Variants in FHIT observed in about 807,000 individuals in gnomAD.
The protein encoded by FHIT is bis(5'-adenosyl)-triphosphatase.
FHIT carries 19 observed loss-of-function variants against 17.9 expected under a neutral mutation model. That is an observed-to-expected ratio of 1.06 (90% CI 0.74 to 1.56). The LOEUF is 1.56. Among genes scored for constraint, FHIT ranks in the 40% most tolerant of loss-of-function variants. The pLI, the probability that FHIT is intolerant of heterozygous loss-of-function variation, is 0.00. For synonymous variants in FHIT, 81 were observed against 69.7 expected (o/e 1.16, Z -0.81); for missense variants, 248 against 189.2 (o/e 1.31, Z -1.82).
intron 7 of FHIT, among the ~76,000 whole-genome samples, chr3:59,981,951 G>A (rs114350025): frequency 0.011 from 1,463 of 129,830 alleles, 24 homozygotes; most frequent in African/African-American, 0.038. Flanking sequence ...TTTGCTGCCA[G>A]GGTCAGCAAA....
chr3:61,131,233 A>ATTT (rs2036754789), intron 2 of FHIT, among the ~76,000 whole-genome samples: 2 of 152,214 alleles, frequency 1.3e-5, no homozygotes, highest in Admixed American at 1.3e-4. Flanking sequence ...GCACAGAGTG[A>ATTT]GTACTCAGTA....
intron 3 of FHIT, among the ~76,000 whole-genome samples, chr3:60,883,829 A>C (rs1240295970): frequency 6.6e-6 from 1 of 152,164 alleles, no homozygotes. Flanking sequence ...AAGACCTCAA[A>C]TATAAAGGCA....
At chr3:60,041,754 T>A (rs1298920206) in intron 5 of FHIT, among the ~76,000 whole-genome samples, 2 of 152,224 alleles carry the variant, frequency 1.3e-5, no homozygotes. Flanking sequence ...CATACCTTCA[T>A]ACATGAAATT....
intron 8 of FHIT, among the ~76,000 whole-genome samples, chr3:59,803,088 T>A (rs1700063123): frequency 6.6e-6 from 1 of 152,176 alleles, no homozygotes; most frequent in South Asian, 2.1e-4. Context: ...TGAATGTTGG[T>A]TGACTGATCA....
rs529486553 is a variant in FHIT at position 60,678,374 on chromosome 3, T to G, written c.-17-141395A>C. ...CTTTTTTCTGCTTAAATACAATTCT[T>G]TTTTCATTTAGCAACTGCATGTTAT... On this transcript the variant is annotated intron_variant, in intron 4 of 9. Transcript: ENST00000492590. Among the ~76,000 whole-genome samples the G allele has an allele frequency of 2.6e-5, 4 of 152,312 alleles. No homozygotes were observed. The South Asian group carries it at 8.3e-4, about 32-fold the overall frequency.
chr3:60,537,197 A>G (rs918478265), intron 4 of FHIT, among the ~76,000 whole-genome samples: 1 of 151,876 alleles, frequency 6.6e-6, no homozygotes, highest in Non-Finnish European at 1.5e-5. Flanking sequence ...AGAGTTAGCA[A>G]TTTTCAAGCA....
chr3:60,842,670 G>C (rs1442024319), intron 3 of FHIT, among the ~76,000 whole-genome samples: 1 of 72,948 alleles, frequency 1.4e-5, no homozygotes, highest in African/African-American at 6.1e-5. Flanking sequence ...TTTTTCCCTT[G>C]CTAGGCAAAG....
intron 4 of FHIT, among the ~76,000 whole-genome samples, chr3:60,571,181 C>A (rs796604883): frequency 6.6e-6 from 1 of 151,350 alleles, no homozygotes; most frequent in Non-Finnish European, 1.5e-5. Context: ...ACTAAAAATA[C>A]AAAAATTAGC....
intron 5 of FHIT, among the ~76,000 whole-genome samples, chr3:60,478,120 C>A (rs1384560690): frequency 6.6e-6 from 1 of 152,146 alleles, no homozygotes; most frequent in Admixed American, 6.5e-5. Flanking sequence ...CATAATATGC[C>A]AGGCACTGGA....
chr3:60,692,159 C>T (rs1481753408), intron 4 of FHIT, among the ~76,000 whole-genome samples: 1 of 152,134 alleles, frequency 6.6e-6, no homozygotes, highest in Non-Finnish European at 1.5e-5. Flanking sequence ...TCACTACCTG[C>T]ATCTGTATTA....
chr3:60,193,806 T>TG (rs952916336), intron 5 of FHIT, among the ~76,000 whole-genome samples: 60 of 152,042 alleles, frequency 3.9e-4, no homozygotes, highest in African/African-American at 1.4e-3. Context: ...AATGAGAACA[T>TG]GGGGGCAGGA....
rs544237399 is a variant in FHIT, at chr3:60,331,754, G to A, written c.103+205106C>T. The stretch of plus-strand genomic sequence containing the variant: ...CCAGCTACTTGGGAGGCTGAGGTAG[G>A]AGAATCACTTGAACCCAGGAGGTGG... On this transcript the variant is annotated intron_variant, in intron 5 of 9. Coordinates refer to ENST00000492590, the MANE Select transcript of FHIT (RefSeq NM_002012.4). 5.8e-3 allele frequency among the ~76,000 whole-genome samples: 885 copies of A among 152,052 alleles called. 3 individuals are homozygous for A. Among genetic ancestry groups the A allele is most frequent in the South Asian group, 0.019 (89 of 4,810 alleles).
intron 8 of FHIT, among the ~76,000 whole-genome samples, chr3:59,851,734 G>C (rs750420329): frequency 4.6e-5 from 7 of 152,284 alleles, no homozygotes; most frequent in Non-Finnish European, 1.0e-4. Flanking sequence ...ATTCCCACTA[G>C]AATTTACCTT....
intron 2 of FHIT, among the ~76,000 whole-genome samples, chr3:61,200,355 G>A (rs2038975077): frequency 6.6e-6 from 1 of 152,158 alleles, no homozygotes; most frequent in African/African-American, 2.4e-5. Context: ...TAGCTCCATT[G>A]GAATGTCTTA....
At chr3:60,335,361 C>T (rs879806057) in intron 5 of FHIT, among the ~76,000 whole-genome samples, 2 of 152,132 alleles carry the variant, frequency 1.3e-5, no homozygotes, top group Non-Finnish European at 2.9e-5. Context: ...TATTATTGTA[C>T]CTTGTCTTCC....
At chr3:61,081,436 T>C (rs1262921240) in intron 2 of FHIT, among the ~76,000 whole-genome samples, 1 of 152,228 alleles carries the variant, frequency 6.6e-6, no homozygotes, top group Non-Finnish European at 1.5e-5. Flanking sequence ...GAAAAAACTG[T>C]TCCCTCAAAG....
intron 5 of FHIT, among the ~76,000 whole-genome samples, chr3:60,030,603 A>T (rs942072330): frequency 1.3e-5 from 2 of 152,196 alleles, no homozygotes; most frequent in Non-Finnish European, 2.9e-5. Flanking sequence ...TTCTATTGAG[A>T]ATGCAAACTG....
Position 60,609,343 on chromosome 3 carries a change from T to C in FHIT, c.-17-72364A>G, listed in dbSNP as rs868925741. Among the ~76,000 whole-genome samples, 770 of 148,886 alleles carry C rather than the reference T, an allele frequency of 5.2e-3. 2 individuals carry two copies. The highest frequency in any genetic ancestry group is 0.018 in the African/African-American group (714 of 40,396). ...CTTCCTTTTTTATTTATTTTTTTTT[T>C]GAGACTGAGTCTAGCTGTGTCGCCC... On this transcript the variant is annotated intron_variant, in intron 4 of 9. Transcript: ENST00000492590.
chr3:60,807,178 T>G (rs1701422951), intron 4 of FHIT, among the ~76,000 whole-genome samples: 1 of 152,192 alleles, frequency 6.6e-6, no homozygotes, highest in Non-Finnish European at 1.5e-5. Flanking sequence ...AGTTGTAGAA[T>G]TTATAGACAA....
Sources: gnomAD v4.1 joint callset for allele counts (sites outside exome capture counted in the v4.1 genomes callset) on GRCh38, gnomAD v4.1.1 for gene constraint, MANE v1.5 for transcripts, NCBI Gene and HGNC (gene_info 2026-07-23, HGNC 2026-07-21) for gene names.